The following NEGR1 variants were observed in gnomAD, a reference collection of about 807,000 sequenced individuals.
NEGR1 encodes the protein neuronal growth regulator 1, also known as IgLON family member 4.
A neutral mutation model predicts 40.9 loss-of-function variants in NEGR1; 10 were observed. The observed-to-expected ratio is 0.24, with a 90% CI of 0.15 to 0.42. The LOEUF (loss-of-function observed/expected upper bound fraction) is 0.42, where lower values mean the gene tolerates loss of function less well. Among genes scored for constraint, NEGR1 ranks in the 10% least tolerant of loss-of-function variants. The pLI, the probability that NEGR1 is intolerant of heterozygous loss-of-function variation, is 1.00. For missense variants in NEGR1, 352 were observed against 438.9 expected (o/e 0.80, Z 1.77); for synonymous variants, 185 against 166.8 (o/e 1.11, Z -0.84).
intron 2 of NEGR1, among the ~76,000 whole-genome samples, chr1:71,875,916 T>C (rs1660416094): frequency 6.6e-6 from 1 of 152,140 alleles, no homozygotes; most frequent in African/African-American, 2.4e-5. Context: ...ATATACAATC[T>C]TCATGGGGTT....
At chr1:71,988,923 T>TAAAAAAAAAAAAAAAAAA (rs10604833) in intron 1 of NEGR1, among the ~76,000 whole-genome samples, 10 of 82,234 alleles carry the variant, frequency 1.2e-4, no homozygotes, top group African/African-American at 5.7e-4. Flanking sequence ...TATTGGATGT[T>TAAAAAAAAAAAAAAAAAA]AAAAAAAAAA....
chr1:71,831,384 G>T (rs1658835160), intron 2 of NEGR1, among the ~76,000 whole-genome samples: 1 of 151,902 alleles, frequency 6.6e-6, no homozygotes, highest in African/African-American at 2.4e-5. Context: ...CTAGTTTGGG[G>T]TCATTCATGT....
intron 1 of NEGR1, among the ~76,000 whole-genome samples, chr1:72,221,420 CAATT>C (rs1055877355): frequency 6.6e-6 from 1 of 151,826 alleles, no homozygotes; most frequent in African/African-American, 2.4e-5. Flanking sequence ...GGATGATTGT[CAATT>C]AATTTTAATT....
chr1:71,477,634 A>C (rs1646829851), intron 6 of NEGR1, among the ~76,000 whole-genome samples: 1 of 151,994 alleles, frequency 6.6e-6, no homozygotes, highest in East Asian at 1.9e-4. Flanking sequence ...CAGTTGCTTT[A>C]GTTTAGTTAG....
intron 1 of NEGR1, among the ~76,000 whole-genome samples, chr1:72,280,473 T>C (rs537244387): frequency 6.6e-6 from 1 of 152,200 alleles, no homozygotes; most frequent in Non-Finnish European, 1.5e-5. Flanking sequence ...CTGAAGATAG[T>C]GTCTTGCCCT....
At chr1:71,638,197 T>C (rs920677236) in intron 4 of NEGR1, among the ~76,000 whole-genome samples, 2 of 152,084 alleles carry the variant, frequency 1.3e-5, no homozygotes, top group African/African-American at 4.8e-5. Context: ...TTCATCTCAA[T>C]TGTGCCACTA....
intron 6 of NEGR1, among the ~76,000 whole-genome samples, chr1:71,419,985 A>C (rs1646384170): frequency 6.6e-6 from 1 of 152,078 alleles, no homozygotes; most frequent in Non-Finnish European, 1.5e-5. Flanking sequence ...ATGGTAAAAA[A>C]CAGAGAGAGG....
intron 4 of NEGR1, among the ~76,000 whole-genome samples, chr1:71,655,304 T>A (rs906380181): frequency 6.6e-6 from 1 of 152,148 alleles, no homozygotes; most frequent in Non-Finnish European, 1.5e-5. Flanking sequence ...GAAAAGTGTA[T>A]TTTAGAGAAG....
chr1:71,428,794 G>A (rs1352345316), intron 6 of NEGR1, among the ~76,000 whole-genome samples: 2 of 151,696 alleles, frequency 1.3e-5, no homozygotes, highest in African/African-American at 2.4e-5. Context: ...CCCAGTCTAT[G>A]AAGTTTTAAA....
chr1:72,063,879 A>ACC (rs36047136), intron 1 of NEGR1, among the ~76,000 whole-genome samples: 1 of 151,452 alleles, frequency 6.6e-6, no homozygotes, highest in South Asian at 2.1e-4. Flanking sequence ...TACTCAGAGA[A>ACC]CCCCCCTGTA....
At chr1:71,785,234 T>C (rs1656869203) in intron 2 of NEGR1, among the ~76,000 whole-genome samples, 1 of 152,192 alleles carries the variant, frequency 6.6e-6, no homozygotes. Flanking sequence ...TGTCGTGCTG[T>C]ATATCACAGG....
Position 71,998,416 on chromosome 1 carries a change from C to T in NEGR1, c.177-63105G>A, listed in dbSNP as rs548865600. ...CTGCTCACAAAATAAATTCCACAAT[C>T]GCTGGCATAGACTTCAAGACCTTTC... On this transcript the variant is annotated intron_variant, in intron 1 of 6. Coordinates refer to ENST00000357731, the MANE Select transcript of NEGR1 (RefSeq NM_173808.3). 5.3e-5 allele frequency among the ~76,000 whole-genome samples: 8 copies of T among 152,002 alleles called. No homozygotes were observed. The South Asian group carries it at 6.2e-4, about 12-fold the overall frequency.
intron 2 of NEGR1, among the ~76,000 whole-genome samples, chr1:71,931,836 A>C (rs896675757): frequency 1.3e-5 from 2 of 152,198 alleles, no homozygotes; most frequent in African/African-American, 4.8e-5. Flanking sequence ...CAGTATTGTA[A>C]TAAGGAGCTC....
At chr1:71,509,190 T>TG (rs1163566063) in intron 6 of NEGR1, among the ~76,000 whole-genome samples, 4 of 152,144 alleles carry the variant, frequency 2.6e-5, no homozygotes, top group Non-Finnish European at 5.9e-5. Context: ...CAGCCACAAG[T>TG]GGTTCCGTTT....
intron 2 of NEGR1, among the ~76,000 whole-genome samples, chr1:71,804,566 T>C (rs1385466873): frequency 6.6e-6 from 1 of 152,238 alleles, no homozygotes; most frequent in African/African-American, 2.4e-5. Context: ...AATACTTTTA[T>C]AATTTCTTAT....
intron 2 of NEGR1, among the ~76,000 whole-genome samples, chr1:71,821,015 T>C (rs1350157952): frequency 2.0e-5 from 3 of 152,034 alleles, no homozygotes; most frequent in Non-Finnish European, 4.4e-5. Flanking sequence ...TAATATGGCC[T>C]AAGGAACTTG....
intron 2 of NEGR1, among the ~76,000 whole-genome samples, chr1:71,827,178 T>C (rs1446126620): frequency 1.3e-5 from 2 of 151,610 alleles, no homozygotes; most frequent in African/African-American, 4.8e-5. Context: ...CTTTTTTTTC[T>C]ATTCTATTGT....
chr1:71,417,178 C>T (rs1215030554), intron 6 of NEGR1, among the ~76,000 whole-genome samples: 1 of 152,186 alleles, frequency 6.6e-6, no homozygotes, highest in Non-Finnish European at 1.5e-5. Context: ...TATACTTTAT[C>T]ACTCTCATGT....
chr1:72,217,741 C>A (rs1476745996), intron 1 of NEGR1, among the ~76,000 whole-genome samples: 1 of 151,728 alleles, frequency 6.6e-6, no homozygotes. Flanking sequence ...ACAGCCCTAA[C>A]AGTGGAAGTA....
Sources: allele counts gnomAD v4.1 joint callset (sites outside exome capture counted in the v4.1 genomes callset), GRCh38; gene constraint gnomAD v4.1.1; transcripts MANE v1.5; gene names NCBI Gene and HGNC (gene_info 2026-07-23, HGNC 2026-07-21).